Variants in CIMAP2 observed in about 807,000 individuals in gnomAD.
CIMAP2 encodes the protein ciliary microtubule associated protein 2.
the CIMAP2 span, chr1:54,841,541 C>T: frequency 3.0e-5 from 49 of 1,608,688 alleles, no homozygotes; most frequent in Non-Finnish European, 3.5e-5. Context: ...GATTTTATAC[C>T]TGAAGTTCTT....
At chr1:54,830,409 A>T in the CIMAP2 span, among the ~76,000 whole-genome samples, 2 of 152,090 alleles carry the variant, frequency 1.3e-5, no homozygotes, top group African/African-American at 4.8e-5. The surrounding 1 kb of genome is among the most constrained non-coding windows in gnomAD (Gnocchi z 4.1). Flanking sequence ...TTTAGTAGAG[A>T]CAAGGTTTCT....
chr1:54,841,108 A>T, the CIMAP2 span, among the ~76,000 whole-genome samples: 1 of 152,220 alleles, frequency 6.6e-6, no homozygotes, highest in Admixed American at 6.5e-5. Flanking sequence ...CTCTTACCCT[A>T]GTGAGTCCTC....
chr1:54,814,524 C>G, the CIMAP2 span, among the ~76,000 whole-genome samples: 4 of 152,212 alleles, frequency 2.6e-5, no homozygotes, highest in Non-Finnish European at 5.9e-5. Context: ...TAAAGGAAAC[C>G]GAAGCCCAGA....
chr1:54,842,110 G>T, the CIMAP2 span: 2 of 569,532 alleles, frequency 3.5e-6, no homozygotes, highest in African/African-American at 1.9e-5. Flanking sequence ...ATTATCCTGA[G>T]AACTCAACTC....
At chr1:54,814,452 G>A in the CIMAP2 span, among the ~76,000 whole-genome samples, 1 of 152,164 alleles carries the variant, frequency 6.6e-6, no homozygotes, top group African/African-American at 2.4e-5. Flanking sequence ...CCCAAAGCAC[G>A]GTCTGCCCCC....
At chr1:54,840,572 A>G in the CIMAP2 span, among the ~76,000 whole-genome samples, 1 of 152,206 alleles carries the variant, frequency 6.6e-6, no homozygotes, top group Non-Finnish European at 1.5e-5. Flanking sequence ...CTATCTTGAA[A>G]TGGCTGGTCC....
At chr1:54,817,529 G>T in the CIMAP2 span, among the ~76,000 whole-genome samples, 1 of 152,174 alleles carries the variant, frequency 6.6e-6, no homozygotes, top group African/African-American at 2.4e-5. Flanking sequence ...TTCATAATGG[G>T]GTTGGTAAAA....
At chr1:54,833,313 G>A in the CIMAP2 span, among the ~76,000 whole-genome samples, 1 of 152,198 alleles carries the variant, frequency 6.6e-6, no homozygotes, top group Non-Finnish European at 1.5e-5. Context: ...ACATGGCTCC[G>A]ACTCTGACCC....
chr1:54,841,717 C>T, the CIMAP2 span: 11 of 1,591,416 alleles, frequency 6.9e-6, no homozygotes, highest in Non-Finnish European at 9.5e-6. Flanking sequence ...CTGTTCATTC[C>T]CTATGGGTGT....
the CIMAP2 span, among the ~76,000 whole-genome samples, chr1:54,832,886 G>A: frequency 6.6e-6 from 1 of 152,058 alleles, no homozygotes; most frequent in Admixed American, 6.6e-5. Flanking sequence ...AATTAGCTGG[G>A]TGTGGTGATG....
chr1:54,815,022 A>G, the CIMAP2 span: 3 of 1,613,992 alleles, frequency 1.9e-6, no homozygotes, highest in South Asian at 2.2e-5. Flanking sequence ...GGCCTGCCAG[A>G]TGATTATGGG....
the CIMAP2 span, among the ~76,000 whole-genome samples, chr1:54,828,269 G>A: frequency 3.4e-4 from 51 of 152,186 alleles, no homozygotes; most frequent in Middle Eastern, 6.8e-3. Flanking sequence ...GAATATTTTC[G>A]TCTTATACTG....
the CIMAP2 span, among the ~76,000 whole-genome samples, chr1:54,806,475 C>T: frequency 6.6e-6 from 1 of 152,180 alleles, no homozygotes; most frequent in Non-Finnish European, 1.5e-5. Context: ...TTCAAGAGCA[C>T]TTACTATGTG....
chr1:54,809,229 G>T, the CIMAP2 span, among the ~76,000 whole-genome samples: 1 of 152,186 alleles, frequency 6.6e-6, no homozygotes, highest in Non-Finnish European at 1.5e-5. Context: ...CAGCTGCTAA[G>T]TGGGCAAGCT....
chr1:54,825,587 A>G, the CIMAP2 span, among the ~76,000 whole-genome samples: 1 of 152,084 alleles, frequency 6.6e-6, no homozygotes, highest in African/African-American at 2.4e-5. Context: ...CAGTGGTGGC[A>G]CAGTGGGCTG....
chr1:54,813,601 C>T, the CIMAP2 span, among the ~76,000 whole-genome samples: 195 of 152,264 alleles, frequency 1.3e-3, no homozygotes, highest in Non-Finnish European at 2.0e-3. Flanking sequence ...AGACTAACCC[C>T]GCCCCGACCC....
chr1:54,824,029 C>A, the CIMAP2 span, among the ~76,000 whole-genome samples: 1 of 147,304 alleles, frequency 6.8e-6, no homozygotes, highest in African/African-American at 2.5e-5. Context: ...CTGTTTTGGA[C>A]TTTTTTTTTT....
the CIMAP2 span, among the ~76,000 whole-genome samples, chr1:54,837,451 C>A: frequency 1.9e-4 from 29 of 152,262 alleles, no homozygotes; most frequent in Admixed American, 1.8e-3. Context: ...AGAATGGGCA[C>A]AATGAAGCCT....
the CIMAP2 span, among the ~76,000 whole-genome samples, chr1:54,812,721 G>T: frequency 2.9e-4 from 44 of 152,066 alleles, no homozygotes; most frequent in African/African-American, 1.0e-3. Context: ...ACTGGAATTA[G>T]GTTTTGTCTA....
Sources: gnomAD v4.1 joint callset for allele counts (sites outside exome capture counted in the v4.1 genomes callset) on GRCh38, gnomAD v4.1.1 for gene constraint, Gnocchi (gnomAD v3.1) non-coding constraint, MANE v1.5 for transcripts, NCBI Gene and HGNC (gene_info 2026-07-23, HGNC 2026-07-21) for gene names.